Variants in PTPRM observed in about 807,000 individuals in gnomAD.
PTPRM encodes the protein protein tyrosine phosphatase receptor type M.
In PTPRM, 47 loss-of-function variants were observed where a neutral mutation model predicts 186.7. That is an observed-to-expected ratio of 0.25 (90% CI 0.20 to 0.32). The LOEUF (loss-of-function observed/expected upper bound fraction) is 0.32, where lower values mean the gene tolerates loss of function less well. Among genes scored for constraint, PTPRM ranks in the 10% least tolerant of loss-of-function variants. The pLI, the probability that PTPRM is intolerant of heterozygous loss-of-function variation, is 1.00. For synonymous variants in PTPRM, 668 were observed against 674.9 expected (o/e 0.99, Z 0.16); for missense variants, 1,494 against 1,865.0 (o/e 0.80, Z 3.66).
chr18:8,070,382 A>C (rs2089393277), intron 8 of PTPRM, among the ~76,000 whole-genome samples: 1 of 134,100 alleles, frequency 7.5e-6, no homozygotes, highest in Non-Finnish European at 1.7e-5. Context: ...AAATATATTT[A>C]AATGGCATTC....
chr18:7,945,269 C>T (rs537445829), intron 5 of PTPRM, among the ~76,000 whole-genome samples: 31 of 147,164 alleles, frequency 2.1e-4, no homozygotes, highest in Middle Eastern at 3.4e-3. Flanking sequence ...CTGGTGAACA[C>T]GGTGAAACCC....
chr18:7,975,532 G>C (rs756226299), intron 7 of PTPRM, among the ~76,000 whole-genome samples: 1 of 152,072 alleles, frequency 6.6e-6, no homozygotes, highest in Non-Finnish European at 1.5e-5. Context: ...TTTCAACTAC[G>C]GTAAGGTTCC....
At chr18:8,151,712 A>C (rs1212503468) in intron 14 of PTPRM, among the ~76,000 whole-genome samples, 1 of 147,556 alleles carries the variant, frequency 6.8e-6, no homozygotes, top group Non-Finnish European at 1.5e-5. Flanking sequence ...AAAAAAAAAA[A>C]CTCCTGGAGC....
intron 7 of PTPRM, among the ~76,000 whole-genome samples, chr18:7,981,006 C>G (rs760240389): frequency 9.2e-5 from 14 of 152,174 alleles, no homozygotes; most frequent in Non-Finnish European, 1.9e-4. Flanking sequence ...GGCCCCCTCT[C>G]CATCAGTTCC....
intron 13 of PTPRM, chr18:8,122,268 A>G (rs930192950): frequency 6.6e-6 from 1 of 152,522 alleles, no homozygotes; most frequent in Non-Finnish European, 1.5e-5. Flanking sequence ...TCAGCTTACA[A>G]CACCTTACAT....
intron 2 of PTPRM, among the ~76,000 whole-genome samples, chr18:7,839,704 T>G (rs1185523289): frequency 3.3e-5 from 5 of 152,126 alleles, no homozygotes; most frequent in Admixed American, 2.6e-4. Flanking sequence ...TGGGGATGTC[T>G]CAGTGGGTTA....
intron 7 of PTPRM, among the ~76,000 whole-genome samples, chr18:8,018,783 G>T (rs1396463653): frequency 6.6e-6 from 1 of 152,114 alleles, no homozygotes; most frequent in Non-Finnish European, 1.5e-5. Context: ...TGATGATTCA[G>T]AATAGTATAG....
At chr18:7,862,537 C>A (rs1266052030) in intron 2 of PTPRM, among the ~76,000 whole-genome samples, 2 of 152,074 alleles carry the variant, frequency 1.3e-5, no homozygotes, top group African/African-American at 4.8e-5. Context: ...TGGACACCTC[C>A]CAGGGATTTC....
At chr18:8,015,745 G>A (rs891658354) in intron 7 of PTPRM, among the ~76,000 whole-genome samples, 2 of 152,120 alleles carry the variant, frequency 1.3e-5, no homozygotes, top group Non-Finnish European at 2.9e-5. Context: ...TTAAAGATAA[G>A]TGTAGAATTG....
intron 7 of PTPRM, among the ~76,000 whole-genome samples, chr18:8,000,865 C>T (rs1194368045): frequency 6.6e-6 from 1 of 152,200 alleles, no homozygotes; most frequent in Non-Finnish European, 1.5e-5. Flanking sequence ...TTTCCAAAGA[C>T]TTGTTCACAT....
At chr18:8,195,363 TCAGC>T (rs1039242429) in intron 14 of PTPRM, among the ~76,000 whole-genome samples, 5 of 151,912 alleles carry the variant, frequency 3.3e-5, no homozygotes, top group African/African-American at 1.2e-4. Flanking sequence ...GTGGATTGAC[TCAGC>T]CAGCACCACC....
chr18:7,755,077 G>A (rs2041410595), intron 1 of PTPRM: 1 of 152,142 alleles, frequency 6.6e-6, no homozygotes, highest in African/African-American at 2.4e-5. Flanking sequence ...ACTCTCTTCT[G>A]TTTAAATTTA....
At chr18:8,282,499 C>T (rs1729849896) in intron 19 of PTPRM, among the ~76,000 whole-genome samples, 1 of 152,068 alleles carries the variant, frequency 6.6e-6, no homozygotes, top group Middle Eastern at 3.2e-3. Flanking sequence ...CCTGTCTCTA[C>T]TAAAATACAA....
At chr18:8,260,904 C>T (rs1227630200) in intron 19 of PTPRM, among the ~76,000 whole-genome samples, 2 of 152,220 alleles carry the variant, frequency 1.3e-5, no homozygotes, top group African/African-American at 2.4e-5. Context: ...GAGAATTGCA[C>T]ACACTTCTAG....
Position 8,211,963 on chromosome 18 carries a change from A to G in PTPRM, c.2301-32095A>G, listed in dbSNP as rs187995339. Among the ~76,000 whole-genome samples, 5 of 152,186 alleles carry G rather than the reference A, an allele frequency of 3.3e-5. 1 individual carries two copies. Among genetic ancestry groups the G allele is most frequent in the East Asian group, 3.9e-4 (2 of 5,156 alleles). ...GTGGACTCGGTGCAGGGCTGTGACC[A>G]GGTGTCAGGGGTAAGCTGGGGAGTT... On this transcript the variant is annotated intron_variant, in intron 14 of 32. Transcript: ENST00000580170.
chr18:8,240,777 G>GGAGGGAGGGAGAGA (rs2094420075), intron 14 of PTPRM, among the ~76,000 whole-genome samples: 1 of 57,300 alleles, frequency 1.7e-5, no homozygotes, highest in Non-Finnish European at 3.3e-5. Flanking sequence ...AGAGAGAGAG[G>GGAGGGAGGGAGAGA]GAGAGAGAGA....
At chr18:8,095,416 A>C (rs1237010763) in intron 11 of PTPRM, among the ~76,000 whole-genome samples, 1 of 151,862 alleles carries the variant, frequency 6.6e-6, no homozygotes, top group Admixed American at 6.6e-5. Flanking sequence ...GGGAGGACTG[A>C]GTTTGGCCTG....
rs1188644667 is a variant in PTPRM at position 7,704,163 on chromosome 18, G to C, written c.74-69986G>C. Reference sequence around the variant, plus strand: ...TTTGCTGTGTCTCTGCCAGGTTTTGGTATCAGGATGATGCTGGCCTTAAAA... The same window carrying C: ...TTTGCTGTGTCTCTGCCAGGTTTTGCTATCAGGATGATGCTGGCCTTAAAA... On this transcript the variant is annotated intron_variant, in intron 1 of 32. Coordinates refer to ENST00000580170, the MANE Select transcript of PTPRM (RefSeq NM_001105244.2). 2.0e-5 allele frequency among the ~76,000 whole-genome samples: 3 copies of C among 152,282 alleles called. No homozygotes were observed. The East Asian group carries it at 5.8e-4, about 29-fold the overall frequency.
At chr18:7,659,156 A>ACACACAC (rs771452260) in intron 1 of PTPRM, among the ~76,000 whole-genome samples, 3 of 137,886 alleles carry the variant, frequency 2.2e-5, no homozygotes, top group East Asian at 2.3e-4. Flanking sequence ...ACACACACAC[A>ACACACAC]ATCTCCCTTC....
Sources: gnomAD v4.1 joint callset for allele counts (sites outside exome capture counted in the v4.1 genomes callset) on GRCh38, gnomAD v4.1.1 for gene constraint, MANE v1.5 for transcripts, NCBI Gene and HGNC (gene_info 2026-07-23, HGNC 2026-07-21) for gene names.